GNL3: variants seen among roughly 807,000 people sequenced by gnomAD.
GNL3 encodes the protein guanine nucleotide-binding protein-like 3.
In GNL3, 77 loss-of-function variants were observed where a neutral mutation model predicts 70.6. That is an observed-to-expected ratio of 1.09 (90% CI 0.91 to 1.32). The LOEUF (loss-of-function observed/expected upper bound fraction) is 1.32. Among genes scored for constraint, GNL3 ranks in the 40% most tolerant of loss-of-function variants. The probability of loss-of-function intolerance (pLI) is 0.00; values close to 1 mark genes in which losing one functional copy is unlikely to be tolerated. For missense variants in GNL3, 634 were observed against 644.0 expected (o/e 0.98, Z 0.17); for synonymous variants, 252 against 216.1 (o/e 1.17, Z -1.46).
intron 7 of GNL3, 37 bp from the exon 8 acceptor site, chr3:52,690,908 T>G (rs755026795): frequency 1.2e-6 from 2 of 1,607,762 alleles, no homozygotes; most frequent in South Asian, 1.1e-5. Flanking sequence ...ATTTATCAGG[T>G]AAGTTGCCAG....
chr3:52,690,930 T>C lies in GNL3; in HGVS notation c.655-15T>C. On this transcript the variant is annotated splice_polypyrimidine_tract_variant and intron_variant, in intron 7 of 14. Transcript: ENST00000418458. ...AGGTAAGTTGCCAGAATAATTCAAC[T>C]ATTTGGAATTTTAGCGTGTGAAGGC... is the stretch of plus-strand genomic sequence containing the variant. The C allele has an allele frequency of 2.5e-6, 4 of 1,613,166 alleles. No individual in the cohort carries two copies. The highest frequency in any genetic ancestry group is 3.4e-6 in the Non-Finnish European group (4 of 1,179,252).
At chr3:52,686,503 TGTC>T in intron 1 of GNL3, 1 of 572,364 alleles carries the variant, frequency 1.7e-6, no homozygotes, top group Non-Finnish European at 3.1e-6. Context: ...ACGAAGTGGT[TGTC>T]GTTTTGTGTC....
At chr3:52,686,483 G>A (rs906550560) in intron 1 of GNL3, 6 of 569,692 alleles carry the variant, frequency 1.1e-5, no homozygotes, top group Non-Finnish European at 1.9e-5. Context: ...TATGATTCGT[G>A]CTGTTTGACA....
intron 7 of GNL3, 57 bp downstream of exon 7, chr3:52,690,761 T>C: frequency 3.4e-6 from 4 of 1,183,164 alleles, no homozygotes; most frequent in Non-Finnish European, 5.0e-6. Flanking sequence ...TGAAATATGA[T>C]GAGTGTACAA....
chr3:52,692,103 C>T (rs1384183837), intron 9 of GNL3, among the ~76,000 whole-genome samples: 1 of 152,176 alleles, frequency 6.6e-6, no homozygotes, highest in Non-Finnish European at 1.5e-5. Flanking sequence ...AAGACAAGTT[C>T]AGCAGATAGA....
chr3:52,690,878 A>T, intron 7 of GNL3, 67 bp from the exon 8 acceptor site: 1 of 1,533,508 alleles, frequency 6.5e-7, no homozygotes, highest in South Asian at 1.1e-5. Context: ...CTGGAGCCTG[A>T]TTGCTTGGGG....
chr3:52,693,687 A>C lies in GNL3; in HGVS notation c.1380A>C (p.Thr460=). 1 of 1,614,144 alleles carries C rather than the reference A, an allele frequency of 6.2e-7. No homozygotes were observed. Among genetic ancestry groups the C allele is most frequent in the East Asian group, 2.2e-5 (1 of 44,892 alleles). Residue 460 remains threonine, a synonymous_variant, in exon 13 of 15, where the codon ACA becomes ACC. Coordinates refer to ENST00000418458, the MANE Select transcript of GNL3 (RefSeq NM_014366.5). ...TCCTTTTCCAGTCTTCCGGTCTGACAAATGGAATAATAGAAGAAAAGGACA... is the reference window on the plus strand; with the variant it reads ...TCCTTTTCCAGTCTTCCGGTCTGACCAATGGAATAATAGAAGAAAAGGACA... ...NSILFQSSGL[T]NGIIEEKDIH...
At position 52,687,621 on chromosome 3, in the gene GNL3, A is replaced by G; in HGVS notation, c.324+6A>G. 6.6e-7 allele frequency: 1 copy of G among 1,518,494 alleles called. No homozygotes were observed. The highest frequency in any genetic ancestry group is 9.1e-7 in the Non-Finnish European group (1 of 1,093,750). 94.1% of individuals were successfully genotyped at this position (1,518,494 alleles called of 1,614,324 possible). A position where few individuals can be genotyped will look rare whatever the true frequency, so the allele number is the denominator to read the frequency against. ...ATGTGGAACCTATGGAAAAGGTATG[A>G]TTAGGTCTCTTTATGAATGAGAGAT... On this transcript the variant is annotated splice_donor_region_variant and intron_variant, in intron 4 of 14. Transcript: ENST00000418458.
chr3:52,693,744 G>A lies in GNL3; in HGVS notation c.1437G>A (p.Arg479=), dbSNP rs2097329787. Residue 479 remains arginine, a synonymous_variant, in exon 13 of 15, where the codon AGG becomes AGA. Transcript: ENST00000418458. The part of the protein sequence containing the change: ...IHEELPKRKE[R]KQEEREDDKD... ...AAGAATTGCCAAAACGGAAAGAAAG[G>A]AAGCAGGAGGAGAGGGAGGATGACA... 2 of 1,613,340 alleles carry A rather than the reference G, an allele frequency of 1.2e-6. No homozygotes were observed. The highest frequency in any genetic ancestry group is 2.2e-5 in the South Asian group (2 of 91,086).
chr3:52,686,083 T>C lies in GNL3; in HGVS notation c.-10T>C, dbSNP rs187868308. On this transcript the variant is annotated 5_prime_UTR_variant, in exon 1 of 15. Transcript: ENST00000418458. ...AGGTTGATGTGTTTGTGCTTCCTTCTACAGCCAATATGAAAAGGCCTAGTA... is the reference window on the plus strand; with the variant it reads ...AGGTTGATGTGTTTGTGCTTCCTTCCACAGCCAATATGAAAAGGCCTAGTA... 7.6e-7 allele frequency: 1 copy of C among 1,322,266 alleles called. No individual in the cohort carries two copies. Among genetic ancestry groups the C allele is most frequent in the Non-Finnish European group, 1.1e-6 (1 of 913,010 alleles). The allele number at this position is 1,322,266 out of a possible 1,614,324, so 81.9% of individuals were successfully genotyped here. A position where few individuals can be genotyped will look rare whatever the true frequency, so the allele number is the denominator to read the frequency against.
In GNL3 at chr3:52,692,900, CAG is replaced by C. The variant is rs774430333; in HGVS notation, c.900_901del (p.Gln300HisfsTer6). 6.2e-7 allele frequency: 1 copy of C among 1,613,480 alleles called. No individual in the cohort carries two copies. The highest frequency in any genetic ancestry group is 1.1e-5 in the South Asian group (1 of 91,074). ...CATGCAAGTTGTCCCCTTGGACAAACAGATCACAATCATAGATAGTCCGAGCT... is the reference window on the plus strand; with the variant it reads ...CATGCAAGTTGTCCCCTTGGACAAACATCACAATCATAGATAGTCCGAGCT... Reference protein sequence around the residue: ...RSMQVVPLDKQITIIDSPSFI... With the variant: ...RSMQVVPLDKXITIIDSPSFI... On this transcript the variant is annotated frameshift_variant, in exon 10 of 15. Transcript: ENST00000418458. LOFTEE classifies it high-confidence loss of function.
chr3:52,688,157 A>AATTCAAAGAAGC lies in GNL3; in HGVS notation c.374_385dup (p.Lys128_Leu129insHisSerLysLys). 1 of 1,611,074 alleles carries AATTCAAAGAAGC rather than the reference A, an allele frequency of 6.2e-7. No homozygotes were observed. The highest frequency in any genetic ancestry group is 8.5e-7 in the Non-Finnish European group (1 of 1,177,202). On this transcript the variant is annotated inframe_insertion, in exon 5 of 15. Coordinates refer to ENST00000418458, the MANE Select transcript of GNL3 (RefSeq NM_014366.5). ...GAACAAAGCCAAGTCGGGCAAACAGAATTCAAAGAAGCTGTACTGCCAAGA... is the reference window on the plus strand; with the variant it reads ...GAACAAAGCCAAGTCGGGCAAACAGAATTCAAAGAAGCATTCAAAGAAGCTGTACTGCCAAGA...
chr3:52,690,877 G>A, intron 7 of GNL3, 68 bp from the exon 8 acceptor site: 1 of 1,524,524 alleles, frequency 6.6e-7, no homozygotes, highest in East Asian at 2.3e-5. Context: ...TCTGGAGCCT[G>A]ATTGCTTGGG....
chr3:52,691,356 C>T, intron 8 of GNL3, 186 bp from the exon 9 acceptor site: 2 of 617,996 alleles, frequency 3.2e-6, no homozygotes, highest in Non-Finnish European at 5.7e-6. Flanking sequence ...ATAGTATTTT[C>T]CTGCCTTTGC....
At chr3:52,691,701 GA>G (rs1377159235) in intron 9 of GNL3, 72 bp downstream of exon 9, 16 of 672,232 alleles carry the variant, frequency 2.4e-5, no homozygotes, top group East Asian at 9.3e-5. Context: ...CAAGGAAGGT[GA>G]TTTTTTTTTT....
chr3:52,687,344 G>A lies in GNL3; in HGVS notation c.171G>A (p.Lys57=). 6.2e-7 allele frequency: 1 copy of A among 1,613,854 alleles called. No homozygotes were observed. The highest frequency in any genetic ancestry group is 8.5e-7 in the Non-Finnish European group (1 of 1,179,794). Residue 57 remains lysine (K), a synonymous_variant, in exon 3 of 15, where the codon AAG becomes AAA. Coordinates refer to ENST00000418458, the MANE Select transcript of GNL3 (RefSeq NM_014366.5). The stretch of plus-strand genomic sequence containing the variant: ...GAGTTCCAAACAGTGCTCCCTTTAA[G>A]GAGGCTCTTCTTAGGGAAGCTGAGC... ...DPGVPNSAPF[K]EALLREAELR...
In GNL3 at chr3:52,694,019, T is replaced by C. The variant is rs747120112; in HGVS notation, c.1501-18T>C. On this transcript the variant is annotated intron_variant, in intron 13 of 14. Transcript: ENST00000418458. ...GACAAGGGCTACTAATCCAGCACTA[T>C]TTTTCTTTGTCACACAGGAAAACAG... 19 of 1,605,788 alleles carry C rather than the reference T, an allele frequency of 1.2e-5. No homozygotes were observed. In the Admixed American group the frequency reaches 2.0e-4, roughly 17 times the overall value.
Position 52,691,028 on chromosome 3 carries a change from T to C in GNL3, c.738T>C (p.Gly246=), listed in dbSNP as rs559803745. 1.5e-5 allele frequency: 25 copies of C among 1,613,734 alleles called. No individual in the cohort carries two copies. In the East Asian group the frequency reaches 5.1e-4, roughly 33 times the overall value. Residue 246 remains glycine (G), a synonymous_variant, in exon 8 of 15, where the codon GGT becomes GGC. Coordinates refer to ENST00000418458, the MANE Select transcript of GNL3 (RefSeq NM_014366.5). ...AGGGCCTTTGGAAACTTCTTGGAGG[T>C]TTTCAGGAAACTTGCAGCAAAGCCA... ...GKEGLWKLLG[G]FQETCSKAIR...
chr3:52,693,841 G>A (rs2097329923), intron 13 of GNL3, 34 bp downstream of exon 13: 1 of 1,543,312 alleles, frequency 6.5e-7, no homozygotes, highest in Non-Finnish European at 8.9e-7. Context: ...AAACTGAAGT[G>A]AGTTTTCTAG....
Sources: allele counts gnomAD v4.1 joint callset (sites outside exome capture counted in the v4.1 genomes callset), GRCh38; gene constraint gnomAD v4.1.1; transcripts MANE v1.5; gene names NCBI Gene and HGNC (gene_info 2026-07-23, HGNC 2026-07-21).